APOC2: variants seen among roughly 807,000 people sequenced by gnomAD.
APOC2 encodes apolipoprotein C-II.
APOC2 carries 6 observed loss-of-function variants against 10.2 expected under a neutral mutation model. The ratio of observed to expected loss-of-function variants is 0.59; its 90% CI spans 0.32 to 1.16. The LOEUF (loss-of-function observed/expected upper bound fraction) is 1.16. Ranked by LOEUF, APOC2 falls within the 50% of genes most tolerant of loss-of-function variation. The pLI is 0.05. For synonymous variants in APOC2, 56 were observed against 48.5 expected (o/e 1.15, Z -0.64); for missense variants, 110 against 117.6 (o/e 0.94, Z 0.30).
At chr19:44,947,411 C>A (rs1970333931) in intron 1 of APOC2, 1 of 152,282 alleles carries the variant, frequency 6.6e-6, no homozygotes, top group South Asian at 2.1e-4. Context: ...ATGGTGTCTG[C>A]AGAGCACCTC....
chr19:44,949,127 C>T (rs1970356693), intron 3 of APOC2, 32 bp from the exon 4 acceptor site: 1 of 1,596,546 alleles, frequency 6.3e-7, no homozygotes, highest in Non-Finnish European at 8.6e-7. Context: ...CCCAGCCCCT[C>T]CTCCCTCTAA....
chr19:44,949,295 CCT>C lies in APOC2; in HGVS notation c.*47_*48del, dbSNP rs756051633. On this transcript the variant is annotated 3_prime_UTR_variant, in exon 4 of 4. Transcript: ENST00000252490. ...GGACAAGGGGAGAGTCCCCTACTCC[CCT>C]GATCCCCCAGGTTCAGACTGAGCTC... 6.6e-7 allele frequency: 1 copy of C among 1,510,758 alleles called. No homozygotes were observed. The highest frequency in any genetic ancestry group is 1.2e-5 in the South Asian group (1 of 86,944). The allele number at this position is 1,510,758 out of a possible 1,614,324, so 93.6% of individuals were successfully genotyped here.
intron 3 of APOC2, 39 bp downstream of exon 3, chr19:44,948,899 C>A (rs772229584): frequency 6.2e-7 from 1 of 1,606,640 alleles, no homozygotes; most frequent in South Asian, 1.1e-5. Context: ...CTGGCCCATA[C>A]CACCGACTGC....
chr19:44,948,358 C>T (rs1019828365), intron 1 of APOC2, 108 bp from the exon 2 acceptor site: 32 of 930,568 alleles, frequency 3.4e-5, no homozygotes, highest in Middle Eastern at 2.3e-4. Context: ...ACTGGGACAC[C>T]GAGCTCACAC....
chr19:44,948,949 T>C, intron 3 of APOC2, 89 bp downstream of exon 3: 1 of 1,566,410 alleles, frequency 6.4e-7, no homozygotes, highest in African/African-American at 1.4e-5. Flanking sequence ...CCCTCCTCCC[T>C]CAGACCCAGG....
Position 44,949,511 on chromosome 19 carries a change from A to C in APOC2, c.*262A>C. 2.2e-5 allele frequency: 11 copies of C among 508,816 alleles called. No homozygotes were observed. Among genetic ancestry groups the C allele is most frequent in the East Asian group, 7.1e-5 (2 of 28,226 alleles). 31.5% of individuals were successfully genotyped at this position (508,816 alleles called of 1,614,324 possible). A position where few individuals can be genotyped will look rare whatever the true frequency, so the allele number is the denominator to read the frequency against. On this transcript the variant is annotated 3_prime_UTR_variant, in exon 4 of 4. Coordinates refer to ENST00000252490, the MANE Select transcript of APOC2 (RefSeq NM_000483.5). The stretch of plus-strand genomic sequence containing the variant: ...TACTTTATGTATGGAGCTCTAACCC[A>C]TGGGTCCATGGGAATAAAGCAGTGA...
At chr19:44,948,635 T>G (rs1347227559) in intron 2 of APOC2, 66 bp from the exon 3 acceptor site, 1 of 1,608,104 alleles carries the variant, frequency 6.2e-7, no homozygotes, top group East Asian at 2.2e-5. Context: ...CCCTCTCCTC[T>G]TCTTCCTTCC....
In APOC2 at chr19:44,949,526, T is replaced by C; in HGVS notation, c.*277T>C. 2.0e-6 allele frequency: 1 copy of C among 487,890 alleles called. No homozygotes were observed. Among genetic ancestry groups the C allele is most frequent in the Non-Finnish European group, 3.7e-6 (1 of 267,478 alleles). 30.2% of individuals were successfully genotyped at this position (487,890 alleles called of 1,614,324 possible). ...GCTCTAACCCATGGGTCCATGGGAA[T>C]AAAGCAGTGAATAGTAACAATAAAT... On this transcript the variant is annotated 3_prime_UTR_variant, in exon 4 of 4. Transcript: ENST00000252490.
chr19:44,948,654 C>T (rs773707513), intron 2 of APOC2, 47 bp from the exon 3 acceptor site: 3 of 1,612,166 alleles, frequency 1.9e-6, no homozygotes, highest in South Asian at 1.1e-5. Context: ...CCTCCTTTCC[C>T]CCTGCTGCAG....
chr19:44,946,714 C>T (rs907431789), intron 1 of APOC2, among the ~76,000 whole-genome samples: 2 of 151,782 alleles, frequency 1.3e-5, no homozygotes, highest in African/African-American at 4.8e-5. Flanking sequence ...CCCAGCTATT[C>T]CAGAGGCTGA....
intron 2 of APOC2, 76 bp from the exon 3 acceptor site, chr19:44,948,624 GC>G: frequency 1.2e-6 from 2 of 1,604,416 alleles, no homozygotes; most frequent in Non-Finnish European, 1.7e-6. Context: ...CTCTGCCTCT[GC>G]CCTCTCCTCT....
chr19:44,946,418 G>A (rs940665031), intron 1 of APOC2, among the ~76,000 whole-genome samples: 2 of 152,098 alleles, frequency 1.3e-5, no homozygotes, highest in African/African-American at 2.4e-5. Flanking sequence ...GAGTTAGGGT[G>A]GCTGAGGTGG....
At chr19:44,947,798 A>G (rs974367361) in intron 1 of APOC2, among the ~76,000 whole-genome samples, 4 of 151,738 alleles carry the variant, frequency 2.6e-5, no homozygotes, top group East Asian at 3.9e-4. Context: ...GGTGGGGCAC[A>G]GTGGCTCAAG....
At chr19:44,946,234 TGA>T (rs1555793404) in intron 1 of APOC2, among the ~76,000 whole-genome samples, 159 bp downstream of exon 1, 1,778 of 132,822 alleles carry the variant, frequency 0.013, 22 homozygotes, top group Non-Finnish European at 0.019. Context: ...TGTGTGTGTG[TGA>T]GAGAGAGAGA....
Position 44,949,353 on chromosome 19 carries a change from C to T in APOC2, c.*104C>T. 2.5e-6 allele frequency: 2 copies of T among 809,226 alleles called. No homozygotes were observed. The highest frequency in any genetic ancestry group is 4.2e-6 in the Non-Finnish European group (2 of 472,442). 50.1% of individuals were successfully genotyped at this position (809,226 alleles called of 1,614,324 possible). On this transcript the variant is annotated 3_prime_UTR_variant, in exon 4 of 4. Coordinates refer to ENST00000252490, the MANE Select transcript of APOC2 (RefSeq NM_000483.5). ...TCCCAGTAGCTCTTGCATCCTCCTCCCAACTCTAGCCTGAATTCTTTTCAA... is the reference window on the plus strand; with the variant it reads ...TCCCAGTAGCTCTTGCATCCTCCTCTCAACTCTAGCCTGAATTCTTTTCAA...
In APOC2 at chr19:44,948,531, T is replaced by G. The variant is rs757247241; in HGVS notation, c.53T>G (p.Phe18Cys). ...TTTCTTGTCCTCCTGGTATTGGGAT[T>G]TGGTGAGTGTGGGCTTCCGGGGAGG... Reference protein sequence around the residue: ...ALFLVLLVLGFEVQGTQQPQQ... With the variant: ...ALFLVLLVLGCEVQGTQQPQQ... The change falls in exon 2 of 4, where the codon TTT becomes TGT. Residue 18 changes from phenylalanine to cysteine, a missense_variant and splice_region_variant. By Grantham distance (205) the Phe-to-Cys change is radical. Transcript: ENST00000252490. The G allele has an allele frequency of 6.2e-7, 1 of 1,614,062 alleles. No homozygotes were observed. Among genetic ancestry groups the G allele is most frequent in the East Asian group, 2.2e-5 (1 of 44,870 alleles).
In APOC2 at chr19:44,948,739, C is replaced by T. The variant is rs1206463857; in HGVS notation, c.94C>T (p.Pro32Ser). Residue 32 changes from proline (P) to serine (S), a missense_variant, in exon 3 of 4, where the codon CCT becomes TCT. Physicochemically the swap from Pro to Ser is moderately conservative, Grantham distance 74. Transcript: ENST00000252490. ...GTQQPQQDEMPSPTFLTQVKE... is the reference protein window; with the variant it reads ...GTQQPQQDEMSSPTFLTQVKE... Reference sequence around the variant, plus strand: ...CCAACAGCCCCAGCAAGATGAGATGCCTAGCCCGACCTTCCTCACCCAGGT... The same window carrying T: ...CCAACAGCCCCAGCAAGATGAGATGTCTAGCCCGACCTTCCTCACCCAGGT... The T allele has an allele frequency of 6.2e-7, 1 of 1,614,156 alleles. No homozygotes were observed. The highest frequency in any genetic ancestry group is 8.5e-7 in the Non-Finnish European group (1 of 1,180,024).
intron 1 of APOC2, among the ~76,000 whole-genome samples, chr19:44,948,059 A>G (rs947134114): frequency 6.6e-6 from 1 of 151,926 alleles, no homozygotes; most frequent in Non-Finnish European, 1.5e-5. Flanking sequence ...ACAGAGCGAG[A>G]CTCCATCTCA....
intron 1 of APOC2, among the ~76,000 whole-genome samples, chr19:44,948,013 G>A (rs1360852087): frequency 6.6e-6 from 1 of 152,208 alleles, no homozygotes; most frequent in African/African-American, 2.4e-5. Context: ...AGGTTGCAGT[G>A]AGCCGAGAAC....
Sources: gnomAD v4.1 joint callset for allele counts (sites outside exome capture counted in the v4.1 genomes callset) on GRCh38, gnomAD v4.1.1 for gene constraint, MANE v1.5 for transcripts, NCBI Gene and HGNC (gene_info 2026-07-23, HGNC 2026-07-21) for gene names.